The following ROBO1 variants were observed in gnomAD, a reference collection of about 807,000 sequenced individuals.
The protein encoded by ROBO1 is roundabout guidance receptor 1, also known as roundabout homolog 1.
Under a neutral mutation model 195.9 loss-of-function variants are expected in ROBO1, and 149 were observed. That is an observed-to-expected ratio of 0.76 (90% CI 0.67 to 0.87). ROBO1 has a LOEUF of 0.87. Among genes scored for constraint, ROBO1 ranks in the 40% least tolerant of loss-of-function variants. The pLI is 0.00. For synonymous variants in ROBO1, 816 were observed against 733.2 expected, an observed-to-expected ratio of 1.11 and a Z score of -1.82; for missense variants, 1,933 against 2,068.3, an observed-to-expected ratio of 0.93 and a Z score of 1.27.
intron 8 of ROBO1, among the ~76,000 whole-genome samples, chr3:78,692,576 T>C (rs2081199588): frequency 6.6e-6 from 1 of 152,112 alleles, no homozygotes; most frequent in South Asian, 2.1e-4. Context: ...AGACCTATTG[T>C]AACTTTTTAA....
At chr3:79,643,436 C>T (rs1233229483) in intron 1 of ROBO1, among the ~76,000 whole-genome samples, 1 of 152,084 alleles carries the variant, frequency 6.6e-6, no homozygotes, top group Non-Finnish European at 1.5e-5. Context: ...ATTAGTTCTA[C>T]CTCTCTAGAA....
intron 2 of ROBO1, among the ~76,000 whole-genome samples, chr3:79,455,632 A>T (rs2039595263): frequency 6.6e-6 from 1 of 152,066 alleles, no homozygotes; most frequent in African/African-American, 2.4e-5. Flanking sequence ...ACAGGGAAGA[A>T]CTATTTGACT....
intron 2 of ROBO1, among the ~76,000 whole-genome samples, chr3:79,234,464 T>A (rs2082374030): frequency 6.6e-6 from 1 of 152,094 alleles, no homozygotes. Flanking sequence ...AGCAATCTCA[T>A]TGCTAGGCAT....
intron 8 of ROBO1, among the ~76,000 whole-genome samples, chr3:78,697,108 T>C (rs2081317389): frequency 6.6e-6 from 1 of 151,932 alleles, no homozygotes; most frequent in African/African-American, 2.4e-5. Context: ...ACTTTCTTCC[T>C]TTTTGAATGT....
intron 2 of ROBO1, among the ~76,000 whole-genome samples, chr3:79,443,487 T>A (rs2039129040): frequency 6.6e-6 from 1 of 152,220 alleles, no homozygotes; most frequent in Admixed American, 6.5e-5. Context: ...ACAGTGGCAG[T>A]AGTACCTCTC....
intron 2 of ROBO1, among the ~76,000 whole-genome samples, chr3:79,552,902 T>G (rs1466638664): frequency 6.6e-6 from 1 of 152,210 alleles, no homozygotes; most frequent in South Asian, 2.1e-4. Context: ...GATAACACAA[T>G]TTATAGGGGT....
At chr3:79,314,624 T>C (rs1215457484) in intron 2 of ROBO1, among the ~76,000 whole-genome samples, 2 of 152,198 alleles carry the variant, frequency 1.3e-5, no homozygotes, top group African/African-American at 4.8e-5. Context: ...GGGAATGGAC[T>C]AATACAAAGA....
chr3:78,745,595 C>T (rs547942232), intron 5 of ROBO1, among the ~76,000 whole-genome samples: 1 of 152,286 alleles, frequency 6.6e-6, no homozygotes, highest in South Asian at 2.1e-4. Flanking sequence ...TTCTTGACTT[C>T]ATTTCCAAAA....
intron 5 of ROBO1, among the ~76,000 whole-genome samples, chr3:78,742,288 T>C (rs2082551956): frequency 6.6e-6 from 1 of 152,038 alleles, no homozygotes; most frequent in Non-Finnish European, 1.5e-5. Flanking sequence ...GCAAAGTACA[T>C]TAACAACAGA....
At chr3:78,608,626 A>C (rs1294438015) in intron 28 of ROBO1, among the ~76,000 whole-genome samples, 1 of 152,178 alleles carries the variant, frequency 6.6e-6, no homozygotes, top group Non-Finnish European at 1.5e-5. Context: ...TGTATTAATA[A>C]GAAAAGCTTC....
intron 1 of ROBO1, among the ~76,000 whole-genome samples, chr3:79,757,386 G>T (rs1704461094): frequency 6.6e-6 from 1 of 152,098 alleles, no homozygotes; most frequent in South Asian, 2.1e-4. Flanking sequence ...CCAGAAACAA[G>T]TGTCTCAAAT....
intron 3 of ROBO1, among the ~76,000 whole-genome samples, chr3:79,045,527 T>G (rs1330151747): frequency 6.6e-6 from 1 of 152,042 alleles, no homozygotes; most frequent in Non-Finnish European, 1.5e-5. Flanking sequence ...ATGATAGAGA[T>G]ATGAAATGCA....
chr3:79,227,803 T>A (rs1414102914), intron 2 of ROBO1, among the ~76,000 whole-genome samples: 1 of 152,214 alleles, frequency 6.6e-6, no homozygotes, highest in Non-Finnish European at 1.5e-5. Context: ...TGAATAGTTT[T>A]AAATAATAAT....
intron 3 of ROBO1, among the ~76,000 whole-genome samples, chr3:79,023,170 A>C (rs6548607): frequency 6.6e-6 from 1 of 152,190 alleles, no homozygotes; most frequent in East Asian, 1.9e-4. Flanking sequence ...GACACATGCA[A>C]TGCACACCAA....
intron 2 of ROBO1, among the ~76,000 whole-genome samples, chr3:79,511,708 T>C (rs1940714509): frequency 1.3e-5 from 2 of 152,072 alleles, no homozygotes; most frequent in African/African-American, 4.8e-5. Context: ...AAGAAAATAC[T>C]GTACATAAAC....
chr3:79,369,999 A>T (rs1483458554), intron 2 of ROBO1, among the ~76,000 whole-genome samples: 1 of 152,182 alleles, frequency 6.6e-6, no homozygotes, highest in Non-Finnish European at 1.5e-5. Flanking sequence ...AGAAGTTTAT[A>T]TTCTGTATTT....
At chr3:79,018,449 G>A (rs773997306) in intron 3 of ROBO1, 3 of 1,613,880 alleles carry the variant, frequency 1.9e-6, no homozygotes, top group Non-Finnish European at 2.5e-6. Context: ...AAGTGAGCGG[G>A]CTCCGCAATC....
chr3:79,606,679 T>C (rs1000913739), intron 1 of ROBO1, among the ~76,000 whole-genome samples: 1 of 152,032 alleles, frequency 6.6e-6, no homozygotes, highest in African/African-American at 2.4e-5. Context: ...ACTGGTGACA[T>C]ATAAATAGAC....
intron 4 of ROBO1, among the ~76,000 whole-genome samples, chr3:78,839,590 T>C (rs982998428): frequency 1.3e-5 from 2 of 152,006 alleles, no homozygotes; most frequent in African/African-American, 4.8e-5. Context: ...AACAAAATCG[T>C]TTAGAATTGT....
Sources: allele counts gnomAD v4.1 joint callset (sites outside exome capture counted in the v4.1 genomes callset), GRCh38; gene constraint gnomAD v4.1.1; transcripts MANE v1.5; gene names NCBI Gene and HGNC (gene_info 2026-07-23, HGNC 2026-07-21).